MAST4: variants seen among roughly 807,000 people sequenced by gnomAD.
MAST4 encodes microtubule-associated serine/threonine-protein kinase 4.
In MAST4, 89 loss-of-function variants were observed where a neutral mutation model predicts 162.7. The observed-to-expected ratio is 0.55, with a 90% CI of 0.46 to 0.65. The LOEUF is 0.65. Among genes scored for constraint, MAST4 ranks in the 30% least tolerant of loss-of-function variants. The probability of loss-of-function intolerance (pLI) is 0.00; values close to 1 mark genes in which losing one functional copy is unlikely to be tolerated. For missense variants in MAST4, 3,153 were observed against 3,374.0 expected, an observed-to-expected ratio of 0.93 and a Z score of 1.62; for synonymous variants, 1,479 against 1,361.1, an observed-to-expected ratio of 1.09 and a Z score of -1.91.
chr5:66,845,126 T>TATATATATATATATATATATATAC (rs1358855625), intron 3 of MAST4, among the ~76,000 whole-genome samples: 2 of 67,178 alleles, frequency 3.0e-5, no homozygotes, highest in Non-Finnish European at 5.6e-5. Context: ...TATATATATA[T>TATATATATATATATATATATATAC]ACACACACAC....
intron 4 of MAST4, among the ~76,000 whole-genome samples, chr5:67,046,931 A>C (rs975498579): frequency 2.7e-4 from 41 of 152,160 alleles, no homozygotes; most frequent in African/African-American, 9.9e-4. Context: ...CAATAATTAC[A>C]TCCCCCTGAT....
chr5:66,695,897 G>A (rs1022215009), intron 1 of MAST4, among the ~76,000 whole-genome samples: 5 of 152,104 alleles, frequency 3.3e-5, no homozygotes, highest in Admixed American at 1.3e-4. Flanking sequence ...AAAGATACAT[G>A]CACACGTATG....
intron 1 of MAST4, among the ~76,000 whole-genome samples, chr5:66,682,292 A>C (rs1485633987): frequency 6.6e-6 from 1 of 152,220 alleles, no homozygotes; most frequent in East Asian, 1.9e-4. Flanking sequence ...TAATATCATC[A>C]GCATTTTCAT....
intron 4 of MAST4, among the ~76,000 whole-genome samples, chr5:66,952,005 C>T (rs1379471680): frequency 6.6e-6 from 1 of 152,072 alleles, no homozygotes; most frequent in Non-Finnish European, 1.5e-5. Flanking sequence ...CCATGTTCCG[C>T]CCTTTCTTTG....
chr5:66,893,592 T>C (rs1170633582), intron 3 of MAST4, among the ~76,000 whole-genome samples: 1 of 152,126 alleles, frequency 6.6e-6, no homozygotes, highest in African/African-American at 2.4e-5. Flanking sequence ...TGATTATAGA[T>C]ACAAAAAGAA....
intron 1 of MAST4, among the ~76,000 whole-genome samples, chr5:66,711,369 G>C (rs1750485558): frequency 6.6e-6 from 1 of 152,102 alleles, no homozygotes; most frequent in South Asian, 2.1e-4. Context: ...CCTTTTGCAG[G>C]GTCTGGGAGA....
At chr5:66,725,147 A>G (rs1412678235) in intron 1 of MAST4, among the ~76,000 whole-genome samples, 2 of 152,076 alleles carry the variant, frequency 1.3e-5, no homozygotes, top group African/African-American at 2.4e-5. Flanking sequence ...TCTTAAGGAC[A>G]AAGTGATACT....
intron 2 of MAST4, among the ~76,000 whole-genome samples, chr5:66,786,506 T>C (rs1212450968): frequency 6.6e-6 from 1 of 152,118 alleles, no homozygotes; most frequent in Non-Finnish European, 1.5e-5. Flanking sequence ...AAAAAGTGGA[T>C]TCAGATTATT....
At chr5:66,881,185 C>T (rs1433515394) in intron 3 of MAST4, among the ~76,000 whole-genome samples, 1 of 152,040 alleles carries the variant, frequency 6.6e-6, no homozygotes, top group Admixed American at 6.6e-5. Flanking sequence ...TTTTTGTTTT[C>T]AAAGTCTTAT....
intron 1 of MAST4, among the ~76,000 whole-genome samples, chr5:66,704,492 CTTTTTTTTTT>C (rs1172510331): frequency 1.0e-5 from 1 of 97,354 alleles, no homozygotes; most frequent in Non-Finnish European, 1.9e-5. Flanking sequence ...GCTTGTTGTT[CTTTTTTTTTT>C]TTTTTTTTTT....
intron 3 of MAST4, among the ~76,000 whole-genome samples, chr5:66,795,558 A>G (rs1050000977): frequency 6.6e-6 from 1 of 152,232 alleles, no homozygotes; most frequent in African/African-American, 2.4e-5. Context: ...CAATAGTGTT[A>G]TCTTTAAAAC....
intron 6 of MAST4, among the ~76,000 whole-genome samples, chr5:67,094,479 G>A (rs560887356): frequency 8.5e-5 from 13 of 152,164 alleles, no homozygotes; most frequent in East Asian, 3.9e-4. Context: ...GTAATAACAC[G>A]AATTACAAAA....
intron 4 of MAST4, among the ~76,000 whole-genome samples, chr5:67,051,492 T>C (rs895946825): frequency 6.6e-6 from 1 of 152,154 alleles, no homozygotes; most frequent in Non-Finnish European, 1.5e-5. Flanking sequence ...CTAACCCACT[T>C]GAAGTTTTCT....
intron 1 of MAST4, among the ~76,000 whole-genome samples, chr5:66,651,382 T>C (rs2149448228): frequency 6.6e-6 from 1 of 152,280 alleles, no homozygotes; most frequent in Non-Finnish European, 1.5e-5. Context: ...AGGACCTTCG[T>C]CTGATATTAT....
chr5:66,802,923 A>G (rs896775345), intron 3 of MAST4, among the ~76,000 whole-genome samples: 7 of 152,112 alleles, frequency 4.6e-5, no homozygotes, highest in South Asian at 2.1e-4. Context: ...GGCTGCTATC[A>G]TCCTTAGCAT....
chr5:66,926,084 G>A (rs879354202), intron 4 of MAST4, among the ~76,000 whole-genome samples: 3 of 151,900 alleles, frequency 2.0e-5, no homozygotes, highest in Non-Finnish European at 4.4e-5. Context: ...GAGAGGTTTC[G>A]GCATAGGTGA....
At chr5:67,004,783 G>C in intron 4 of MAST4, 1 of 532,824 alleles carries the variant, frequency 1.9e-6, no homozygotes, top group Non-Finnish European at 3.4e-6. Flanking sequence ...GAGGCTGTGT[G>C]TTAATTAAAG....
At chr5:66,837,892 A>AT (rs1428832198) in intron 3 of MAST4, among the ~76,000 whole-genome samples, 6 of 35,026 alleles carry the variant, frequency 1.7e-4, no homozygotes, top group South Asian at 1.1e-3. Context: ...ATATATATAT[A>AT]TATTTTTTTT....
intron 1 of MAST4, among the ~76,000 whole-genome samples, chr5:66,706,457 A>G (rs1022100306): frequency 2.0e-5 from 3 of 152,102 alleles, no homozygotes; most frequent in Non-Finnish European, 4.4e-5. Flanking sequence ...TTTGAGCTTC[A>G]TAAGACACAT....
Sources: gnomAD v4.1 joint callset for allele counts (sites outside exome capture counted in the v4.1 genomes callset) on GRCh38, gnomAD v4.1.1 for gene constraint, MANE v1.5 for transcripts, NCBI Gene and HGNC (gene_info 2026-07-23, HGNC 2026-07-21) for gene names.